MCU: variants seen among roughly 807,000 people sequenced by gnomAD.
MCU encodes the protein mitochondrial calcium uniporter, also known as calcium uniporter protein, mitochondrial.
In MCU, 12 loss-of-function variants were observed where a neutral mutation model predicts 45.2. That is an observed-to-expected ratio of 0.27 (90% CI 0.17 to 0.43). The LOEUF (loss-of-function observed/expected upper bound fraction) is 0.43, where lower values mean the gene tolerates loss of function less well. Among genes scored for constraint, MCU ranks in the 20% least tolerant of loss-of-function variants. MCU has a pLI of 1.00. For synonymous variants in MCU, 160 were observed against 165.1 expected, an observed-to-expected ratio of 0.97 and a Z score of 0.24; for missense variants, 324 against 436.7, an observed-to-expected ratio of 0.74 and a Z score of 2.30.
intron 1 of MCU, among the ~76,000 whole-genome samples, chr10:72,831,512 G>A (rs1844878803): frequency 6.6e-6 from 1 of 151,960 alleles, no homozygotes; most frequent in Non-Finnish European, 1.5e-5. Context: ...GTTTTGTTTT[G>A]TTTTGTTTTT....
intron 1 of MCU, among the ~76,000 whole-genome samples, chr10:72,739,607 G>T (rs1038012528): frequency 2.0e-5 from 3 of 152,084 alleles, no homozygotes; most frequent in Non-Finnish European, 4.4e-5. Flanking sequence ...ACTTTTTCCA[G>T]GGGTACCGCT....
At chr10:72,804,196 C>T (rs1844394440) in intron 1 of MCU, among the ~76,000 whole-genome samples, 1 of 150,302 alleles carries the variant, frequency 6.7e-6, no homozygotes, top group Non-Finnish European at 1.5e-5. Flanking sequence ...AAGTGATTCT[C>T]GTGCTTCAGC....
intron 2 of MCU, among the ~76,000 whole-genome samples, chr10:72,847,910 T>C (rs1262121712): frequency 2.0e-5 from 3 of 152,190 alleles, no homozygotes; most frequent in Non-Finnish European, 2.9e-5. Context: ...GGCTTCTCCA[T>C]AGGGCTGCAG....
chr10:72,746,526 T>G (rs560227141), intron 1 of MCU, among the ~76,000 whole-genome samples: 1 of 152,328 alleles, frequency 6.6e-6, no homozygotes, highest in African/African-American at 2.4e-5. Flanking sequence ...TAGAACAGTA[T>G]CCTAAGCAGC....
At chr10:72,783,412 C>T (rs1844024517) in intron 1 of MCU, among the ~76,000 whole-genome samples, 1 of 152,016 alleles carries the variant, frequency 6.6e-6, no homozygotes, top group African/African-American at 2.4e-5. Context: ...AGGTGTGGAA[C>T]TGCCACATGC....
chr10:72,736,350 A>C (rs1394664977), intron 1 of MCU: 1 of 152,238 alleles, frequency 6.6e-6, no homozygotes, highest in Non-Finnish European at 1.5e-5. Context: ...ATAACTAGAC[A>C]GTAAGGCCCT....
At chr10:72,729,775 G>A (rs1175264236) in intron 1 of MCU, among the ~76,000 whole-genome samples, 1 of 152,038 alleles carries the variant, frequency 6.6e-6, no homozygotes, top group African/African-American at 2.4e-5. Flanking sequence ...AATTCTTTGT[G>A]GTTGGGAGGC....
At chr10:72,810,524 G>A (rs549173398) in intron 1 of MCU, among the ~76,000 whole-genome samples, 1 of 139,298 alleles carries the variant, frequency 7.2e-6, no homozygotes, top group African/African-American at 2.8e-5. Context: ...CTGGAGTTCA[G>A]TGGTGCAATC....
rs1844001306 is a variant in MCU at position 72,781,960 on chromosome 10, A to G, written c.151-52399A>G. 2.0e-5 allele frequency among the ~76,000 whole-genome samples: 3 copies of G among 152,180 alleles called. No individual in the cohort carries two copies. In the South Asian group the frequency reaches 6.2e-4, roughly 32 times the overall value. Reference sequence around the variant, plus strand: ...AAAGGGGAAACTCCTTTTCATCTTCATCAGATGTTTGGGGTCACTTTCATG... The same window carrying G: ...AAAGGGGAAACTCCTTTTCATCTTCGTCAGATGTTTGGGGTCACTTTCATG... On this transcript the variant is annotated intron_variant, in intron 1 of 7. Coordinates refer to ENST00000373053, the MANE Select transcript of MCU (RefSeq NM_138357.3).
At chr10:72,800,897 G>C (rs984585741) in intron 1 of MCU, among the ~76,000 whole-genome samples, 3 of 152,072 alleles carry the variant, frequency 2.0e-5, no homozygotes, top group Non-Finnish European at 2.9e-5. Flanking sequence ...CCAGAAGTTC[G>C]AGACCAGCCT....
intron 1 of MCU, among the ~76,000 whole-genome samples, chr10:72,804,022 ATATATAT>A (rs1326625116): frequency 6.4e-4 from 4 of 6,214 alleles, no homozygotes; most frequent in African/African-American, 1.7e-3. Flanking sequence ...AAGTAAATAT[ATATATAT>A]ATATATATAT....
At chr10:72,697,424 C>G (rs1430304309) in intron 1 of MCU, among the ~76,000 whole-genome samples, 1 of 130,794 alleles carries the variant, frequency 7.6e-6, no homozygotes, top group Non-Finnish European at 1.6e-5. Context: ...GGCCAGACTT[C>G]TATTTTTTTT....
intron 1 of MCU, among the ~76,000 whole-genome samples, chr10:72,712,923 A>T (rs1204681303): frequency 6.6e-6 from 1 of 152,214 alleles, no homozygotes; most frequent in East Asian, 1.9e-4. Context: ...GCTGTAGTGC[A>T]TTAACCAGAA....
At chr10:72,747,371 T>C (rs948747434) in intron 1 of MCU, among the ~76,000 whole-genome samples, 1 of 152,230 alleles carries the variant, frequency 6.6e-6, no homozygotes, top group African/African-American at 2.4e-5. Context: ...TTGGTTTTCT[T>C]TTCTTTTCGT....
intron 1 of MCU, among the ~76,000 whole-genome samples, chr10:72,825,660 A>G (rs1238363169): frequency 6.6e-6 from 1 of 152,218 alleles, no homozygotes; most frequent in Non-Finnish European, 1.5e-5. Flanking sequence ...CAAACCAAAT[A>G]AATACAAAGT....
intron 1 of MCU, among the ~76,000 whole-genome samples, chr10:72,703,390 G>A (rs1001719576): frequency 1.3e-5 from 2 of 152,188 alleles, no homozygotes; most frequent in African/African-American, 4.8e-5. Context: ...ACAGCTAGCA[G>A]ATGTCACACC....
At chr10:72,857,220 G>A (rs1202806575) in intron 2 of MCU, among the ~76,000 whole-genome samples, 1 of 151,440 alleles carries the variant, frequency 6.6e-6, no homozygotes, top group Non-Finnish European at 1.5e-5. Flanking sequence ...TCTCACAACA[G>A]CTCTGTGAGT....
chr10:72,828,229 A>G (rs1051998228), intron 1 of MCU, among the ~76,000 whole-genome samples: 1 of 152,188 alleles, frequency 6.6e-6, no homozygotes, highest in African/African-American at 2.4e-5. Flanking sequence ...GGGAAATGTA[A>G]CAGGGAGATA....
intron 1 of MCU, among the ~76,000 whole-genome samples, chr10:72,831,874 C>T (rs886430203): frequency 6.6e-6 from 1 of 151,922 alleles, no homozygotes; most frequent in Admixed American, 6.6e-5. Flanking sequence ...GGGTAAAGCA[C>T]AGTAATGTAG....
Sources: gnomAD v4.1 joint callset for allele counts (sites outside exome capture counted in the v4.1 genomes callset) on GRCh38, gnomAD v4.1.1 for gene constraint, MANE v1.5 for transcripts, NCBI Gene and HGNC (gene_info 2026-07-23, HGNC 2026-07-21) for gene names.